Variants in ANAPC4 observed in about 807,000 individuals in gnomAD.
ANAPC4 encodes anaphase promoting complex subunit 4.
ANAPC4 carries 63 observed loss-of-function variants against 119.8 expected under a neutral mutation model. That is an observed-to-expected ratio of 0.53 (90% CI 0.43 to 0.65). The LOEUF is 0.65. ANAPC4 is among the 30% of genes least tolerant of loss of function. The pLI is 0.00. For missense variants in ANAPC4, 716 were observed against 945.1 expected, an observed-to-expected ratio of 0.76 and a Z score of 3.18; for synonymous variants, 283 against 318.6, an observed-to-expected ratio of 0.89 and a Z score of 1.19.
chr4:25,379,440 A>G (rs1001894559), intron 2 of ANAPC4, among the ~76,000 whole-genome samples: 1 of 152,164 alleles, frequency 6.6e-6, no homozygotes, highest in Non-Finnish European at 1.5e-5. Flanking sequence ...GAGATTTACA[A>G]GAAGAGAAGA....
intron 17 of ANAPC4, 84 bp downstream of exon 17, chr4:25,403,110 A>G: frequency 9.5e-7 from 1 of 1,052,546 alleles, no homozygotes; most frequent in Non-Finnish European, 1.4e-6. Context: ...CAATAAATCT[A>G]GTACAATTTC....
At chr4:25,401,993 G>T (rs1723005620) in intron 16 of ANAPC4, among the ~76,000 whole-genome samples, 1 of 152,186 alleles carries the variant, frequency 6.6e-6, no homozygotes, top group Non-Finnish European at 1.5e-5. Context: ...GTTCTTTCAG[G>T]TAAGTAGAAT....
Position 25,414,043 on chromosome 4 carries a change from T to A in ANAPC4, c.1624-281T>A. The A allele has an allele frequency of 6.4e-6, 3 of 466,228 alleles. No individual in the cohort carries two copies. In the East Asian group the frequency reaches 1.0e-4, roughly 16 times the overall value. 28.9% of individuals were successfully genotyped at this position (466,228 alleles called of 1,614,324 possible). Reference sequence around the variant, plus strand: ...AACAGTCTTAGTTACAGAGCTGATGTGTCTCTGCTTACTACTGAAGGATGT... The same window carrying A: ...AACAGTCTTAGTTACAGAGCTGATGAGTCTCTGCTTACTACTGAAGGATGT... On this transcript the variant is annotated intron_variant, in intron 22 of 28. Coordinates refer to ENST00000315368, the MANE Select transcript of ANAPC4 (RefSeq NM_013367.3).
In ANAPC4 at chr4:25,383,408, T is replaced by C. The variant is rs746788136; in HGVS notation, c.368+15T>C. On this transcript the variant is annotated intron_variant, in intron 4 of 28. Transcript: ENST00000315368. ...GTAGAAAGCAGGTAATTAGAAAAAC[T>C]TATGTAGTCATAGGGTATTCATGAG... 5 of 1,596,556 alleles carry C rather than the reference T, an allele frequency of 3.1e-6. No individual in the cohort carries two copies. Among genetic ancestry groups the C allele is most frequent in the Non-Finnish European group, 4.3e-6 (5 of 1,174,082 alleles).
At chr4:25,395,130 C>T (rs963269846) in intron 14 of ANAPC4, 77 of 417,058 alleles carry the variant, frequency 1.8e-4, no homozygotes, top group African/African-American at 1.5e-3. Flanking sequence ...AGGCTAGACT[C>T]TATCTGGGTT....
intron 17 of ANAPC4, among the ~76,000 whole-genome samples, chr4:25,404,410 T>C (rs1157608394): frequency 6.6e-6 from 1 of 152,134 alleles, no homozygotes; most frequent in Non-Finnish European, 1.5e-5. Context: ...TACTTATAAT[T>C]ATTGGAGGTA....
rs780857667 is a variant in ANAPC4, at chr4:25,377,399, G to T, written c.-10-19G>T. The stretch of plus-strand genomic sequence containing the variant: ...GAGCCGGGGGCTCCTGCCGGCCTCT[G>T]ACTGGGGTGTCGTTGCAGGGCCGTC... On this transcript the variant is annotated intron_variant, in intron 1 of 28. Transcript: ENST00000315368. 3 of 1,612,022 alleles carry T rather than the reference G, an allele frequency of 1.9e-6. No homozygotes were observed. The East Asian group carries it at 6.7e-5, about 36-fold the overall frequency.
chr4:25,395,029 A>G (rs540756245), intron 14 of ANAPC4, 124 bp downstream of exon 14: 4 of 696,200 alleles, frequency 5.7e-6, no homozygotes, highest in Non-Finnish European at 4.8e-6. Flanking sequence ...AAATTGTTGC[A>G]TGGCATTTGA....
At chr4:25,416,719 G>A in intron 27 of ANAPC4, 121 bp downstream of exon 27, 1 of 743,258 alleles carries the variant, frequency 1.3e-6, no homozygotes. Flanking sequence ...TAACCACAGA[G>A]GTAGCTGAGC....
intron 26 of ANAPC4, chr4:25,415,788 G>T (rs1723836851): frequency 5.7e-6 from 2 of 348,166 alleles, no homozygotes; most frequent in South Asian, 1.9e-4. Flanking sequence ...GCTCCCTGTT[G>T]ACAAAGAAAG....
At chr4:25,383,966 C>G (rs1303910158) in intron 4 of ANAPC4, among the ~76,000 whole-genome samples, 1 of 152,150 alleles carries the variant, frequency 6.6e-6, no homozygotes, top group Non-Finnish European at 1.5e-5. Context: ...CTCTTTCTTT[C>G]AAGAAAGATT....
intron 4 of ANAPC4, among the ~76,000 whole-genome samples, chr4:25,386,543 G>A (rs185040360): frequency 6.6e-6 from 1 of 152,162 alleles, no homozygotes; most frequent in Non-Finnish European, 1.5e-5. Context: ...ATGGTTTGTG[G>A]CACCCCTAAA....
intron 17 of ANAPC4, among the ~76,000 whole-genome samples, chr4:25,404,835 T>C (rs1459760492): frequency 6.6e-6 from 1 of 152,124 alleles, no homozygotes; most frequent in Non-Finnish European, 1.5e-5. Context: ...TAGGGTATGC[T>C]CAATAAGTAG....
intron 9 of ANAPC4, among the ~76,000 whole-genome samples, chr4:25,391,440 A>G (rs1351100439): frequency 6.6e-6 from 1 of 152,258 alleles, no homozygotes; most frequent in Non-Finnish European, 1.5e-5. Flanking sequence ...TTTTATAGGT[A>G]AGTACATGGA....
At chr4:25,409,520 G>C (rs182158487) in intron 20 of ANAPC4, among the ~76,000 whole-genome samples, 178 bp from the exon 21 acceptor site, 3 of 152,180 alleles carry the variant, frequency 2.0e-5, no homozygotes, top group East Asian at 3.9e-4. Context: ...ACTTTCAGAG[G>C]ACTTGGCAAT....
At chr4:25,408,017 A>G (rs140965618) in intron 20 of ANAPC4, among the ~76,000 whole-genome samples, 3,010 of 152,378 alleles carry the variant, frequency 0.02, 45 homozygotes, top group Non-Finnish European at 0.029. Flanking sequence ...AACGTTTCAT[A>G]TTGCAAACCT....
chr4:25,394,194 T>C (rs2109122867), intron 11 of ANAPC4, 116 bp from the exon 12 acceptor site: 1 of 852,516 alleles, frequency 1.2e-6, no homozygotes, highest in Non-Finnish European at 1.8e-6. Flanking sequence ...GATCACTTTA[T>C]GGATTTGATG....
intron 14 of ANAPC4, among the ~76,000 whole-genome samples, chr4:25,396,401 T>C (rs1177229859): frequency 6.6e-6 from 1 of 152,216 alleles, no homozygotes; most frequent in African/African-American, 2.4e-5. Flanking sequence ...TGTACAACTG[T>C]CTTAAAAGGG....
Position 25,398,931 on chromosome 4 carries a change from G to T in ANAPC4, c.1214+2032G>T, listed in dbSNP as rs1439655273. On this transcript the variant is annotated intron_variant, in intron 16 of 28. Transcript: ENST00000315368. ...ACAAATGTGAGGGCAGGTTTAGGGA[G>T]GGGGAGTGTAGAGTAAGATCAAGAG... 2.0e-5 allele frequency among the ~76,000 whole-genome samples: 3 copies of T among 151,394 alleles called. No homozygotes were observed. In the East Asian group the frequency reaches 5.8e-4, roughly 29 times the overall value.
Sources: gnomAD v4.1 joint callset for allele counts (sites outside exome capture counted in the v4.1 genomes callset) on GRCh38, gnomAD v4.1.1 for gene constraint, MANE v1.5 for transcripts, NCBI Gene and HGNC (gene_info 2026-07-23, HGNC 2026-07-21) for gene names.